Variants in CCDC88C observed in about 807,000 individuals in gnomAD.
The protein encoded by CCDC88C is coiled-coil and HOOK domain protein 88C, also known as protein Daple.
In CCDC88C, 131 loss-of-function variants were observed where a neutral mutation model predicts 198.8. That is an observed-to-expected ratio of 0.66 (90% confidence interval 0.57 to 0.76). The LOEUF is 0.76. CCDC88C is among the 30% of genes least tolerant of loss of function. The probability of loss-of-function intolerance (pLI) is 0.00; values close to 1 mark genes in which losing one functional copy is unlikely to be tolerated. For synonymous variants in CCDC88C, 1,166 were observed against 1,114.7 expected, an observed-to-expected ratio of 1.05 and a Z score of -0.92; for missense variants, 2,553 against 2,631.6, an observed-to-expected ratio of 0.97 and a Z score of 0.65.
intron 4 of CCDC88C, among the ~76,000 whole-genome samples, chr14:91,358,848 ACCTAGAACGCGTG>A (rs1051549663): frequency 6.6e-6 from 1 of 152,074 alleles, no homozygotes; most frequent in East Asian, 1.9e-4. Context: ...GACTGCGGGG[ACCTAGAACGCGTG>A]CCTGCCAGGA....
At chr14:91,303,093 A>G (rs2139779193) in intron 20 of CCDC88C, among the ~76,000 whole-genome samples, 1 of 152,276 alleles carries the variant, frequency 6.6e-6, no homozygotes, top group South Asian at 2.1e-4. Context: ...CAGCTGGCCA[A>G]GAGATTTCCT....
In CCDC88C at chr14:91,417,687, C is replaced by T; in HGVS notation, c.4G>A (p.Asp2Asn). 6.4e-7 allele frequency: 1 copy of T among 1,561,340 alleles called. No individual in the cohort carries two copies. Among genetic ancestry groups the T allele is most frequent in the Non-Finnish European group, 8.6e-7 (1 of 1,158,332 alleles). ...TCCAGGAGCTCCGAGACTGTCACGT[C>T]CATGCTGAGGCTGCGCCCGCCGGCT... M[D>N]VTVSELLELF... The change falls in exon 1 of 30, where the codon GAC (aspartate) becomes AAC (asparagine). Residue 2 changes from aspartate (D) to asparagine (N), a missense_variant. Transcript: ENST00000389857.
intron 10 of CCDC88C, among the ~76,000 whole-genome samples, chr14:91,327,151 G>T (rs1388010597): frequency 6.6e-6 from 1 of 152,238 alleles, no homozygotes; most frequent in Non-Finnish European, 1.5e-5. Flanking sequence ...CCAGGAACGT[G>T]TACGCTTCTT....
At chr14:91,298,677 C>T (rs932285902) in intron 21 of CCDC88C, among the ~76,000 whole-genome samples, 1 of 152,210 alleles carries the variant, frequency 6.6e-6, no homozygotes. Flanking sequence ...TTGCTGGAGC[C>T]GATTCTCTGC....
intron 19 of CCDC88C, among the ~76,000 whole-genome samples, chr14:91,304,408 C>A (rs1200378636): frequency 6.6e-6 from 1 of 152,124 alleles, no homozygotes; most frequent in African/African-American, 2.4e-5. Context: ...CATAGTGAGA[C>A]CCCATCTCTA....
chr14:91,393,002 A>T (rs927544802), intron 3 of CCDC88C, among the ~76,000 whole-genome samples: 10 of 152,190 alleles, frequency 6.6e-5, no homozygotes, highest in Admixed American at 6.5e-5. Context: ...AGAAACTGCA[A>T]GGACAGGACG....
At chr14:91,399,054 T>G (rs912488599) in intron 3 of CCDC88C, among the ~76,000 whole-genome samples, 10 of 152,158 alleles carry the variant, frequency 6.6e-5, no homozygotes, top group African/African-American at 2.4e-4. Flanking sequence ...GTCCTCCCAC[T>G]TGGGGGACTC....
At chr14:91,374,260 A>G (rs1894972725) in intron 3 of CCDC88C, among the ~76,000 whole-genome samples, 1 of 152,264 alleles carries the variant, frequency 6.6e-6, no homozygotes, top group East Asian at 1.9e-4. Context: ...GAGCTTGGCT[A>G]GACACACTGT....
intron 1 of CCDC88C, chr14:91,417,199 C>G: frequency 1.4e-6 from 1 of 703,114 alleles, no homozygotes; most frequent in Non-Finnish European, 2.6e-6. Flanking sequence ...CCCCCCATTC[C>G]CCACCCGTCA....
intron 10 of CCDC88C, among the ~76,000 whole-genome samples, chr14:91,333,750 C>G (rs573764085): frequency 1.6e-4 from 24 of 152,270 alleles, no homozygotes; most frequent in Admixed American, 9.8e-4. Context: ...CCCTTACTCC[C>G]TAGGGTCTAG....
intron 18 of CCDC88C, 22 bp from the exon 19 acceptor site, chr14:91,305,948 G>C: frequency 6.2e-7 from 1 of 1,606,870 alleles, no homozygotes; most frequent in South Asian, 1.1e-5. Context: ...GGAGGCATGA[G>C]CGAATCAAAC....
At position 91,339,849 on chromosome 14, in the gene CCDC88C, C is replaced by T. The variant is rs1366593424; in HGVS notation, c.624+35G>A. 1 of 1,556,720 alleles carries T rather than the reference C, an allele frequency of 6.4e-7. No homozygotes were observed. Among genetic ancestry groups the T allele is most frequent in the East Asian group, 2.4e-5 (1 of 41,708 alleles). On this transcript the variant is annotated intron_variant, in intron 7 of 29. Transcript: ENST00000389857. This position sits in a 1 kb window ranked among gnomAD's most constrained non-coding sequence, Gnocchi z 5.8. ...GGAGATGAAGGGGCCTAAGCCCCTT[C>T]CCAGGCTGACCGGGCCACCGACCCG...
intron 4 of CCDC88C, among the ~76,000 whole-genome samples, chr14:91,346,030 C>T (rs1480478942): frequency 6.6e-6 from 1 of 152,074 alleles, no homozygotes; most frequent in African/African-American, 2.4e-5. Flanking sequence ...AAGACTTAAC[C>T]AACTCACACA....
chr14:91,366,067 TAAAGGTTCTC>T (rs1289285137), intron 3 of CCDC88C, among the ~76,000 whole-genome samples: 8 of 152,046 alleles, frequency 5.3e-5, no homozygotes, highest in Non-Finnish European at 8.8e-5. Context: ...AAATATTCTG[TAAAGGTTCTC>T]ACAGAGACCA....
intron 3 of CCDC88C, among the ~76,000 whole-genome samples, chr14:91,363,352 A>AC (rs918249408): frequency 6.6e-6 from 1 of 151,236 alleles, no homozygotes; most frequent in African/African-American, 2.4e-5. Flanking sequence ...CTCAGGCAAT[A>AC]CCCCCACCTC....
intron 10 of CCDC88C, among the ~76,000 whole-genome samples, chr14:91,337,460 C>G (rs951016816): frequency 1.3e-5 from 2 of 152,232 alleles, no homozygotes; most frequent in African/African-American, 4.8e-5. Flanking sequence ...CTGCCTCAGC[C>G]TCCTGAGTAG....
chr14:91,366,841 C>T (rs1290341532), intron 3 of CCDC88C, among the ~76,000 whole-genome samples: 1 of 152,232 alleles, frequency 6.6e-6, no homozygotes, highest in African/African-American at 2.4e-5. Context: ...GCCCACTCAA[C>T]ACCTGAGGCA....
chr14:91,298,457 C>T (rs1224599153), intron 21 of CCDC88C, among the ~76,000 whole-genome samples: 1 of 151,446 alleles, frequency 6.6e-6, no homozygotes, highest in Admixed American at 6.6e-5. Flanking sequence ...TCACTTAGGC[C>T]CAGGGAGTTA....
intron 20 of CCDC88C, among the ~76,000 whole-genome samples, chr14:91,303,090 C>T (rs1157418252): frequency 6.6e-6 from 1 of 152,176 alleles, no homozygotes; most frequent in Non-Finnish European, 1.5e-5. Context: ...AAGCAGCTGG[C>T]CAAGAGATTT....
Sources: gnomAD v4.1 joint callset for allele counts (sites outside exome capture counted in the v4.1 genomes callset) on GRCh38, gnomAD v4.1.1 for gene constraint, Gnocchi (gnomAD v3.1) non-coding constraint, MANE v1.5 for transcripts, NCBI Gene and HGNC (gene_info 2026-07-23, HGNC 2026-07-21) for gene names.